The following DNAH7 variants were observed in gnomAD, a reference collection of about 807,000 sequenced individuals.
DNAH7 encodes the protein axonemal beta dynein heavy chain 7.
DNAH7 carries 397 observed loss-of-function variants against 444.6 expected under a neutral mutation model. That is an observed-to-expected ratio of 0.89 (90% CI 0.82 to 0.97). DNAH7 has a LOEUF of 0.97. Ranked by LOEUF, DNAH7 falls within the 50% of genes least tolerant of loss-of-function variation. The pLI is 0.00. For missense variants in DNAH7, 4,902 were observed against 4,800.8 expected (o/e 1.02, Z -0.62); for synonymous variants, 1,636 against 1,624.4 (o/e 1.01, Z -0.17).
chr2:195,737,891 A>AAATG lies in DNAH7; in HGVS notation c.*29_*30insCATT, dbSNP rs2105863229. 1 of 1,561,726 alleles carries AAATG rather than the reference A, an allele frequency of 6.4e-7. No individual in the cohort carries two copies. The highest frequency in any genetic ancestry group is 1.1e-5 in the South Asian group (1 of 89,582). ...TTTCTCTACTCAGCCAGCCAACAAG[A>AAATG]AATAGGAACAAGGAAATGATGTCTT... On this transcript the variant is annotated 3_prime_UTR_variant, in exon 65 of 65. Transcript: ENST00000312428.
intron 48 of DNAH7, among the ~76,000 whole-genome samples, chr2:195,830,942 A>G (rs1027516847): frequency 2.6e-5 from 4 of 152,244 alleles, no homozygotes; most frequent in Non-Finnish European, 5.9e-5. Context: ...ATGTTAATTA[A>G]ATGAATGAAT....
At chr2:195,894,838 T>C (rs372284956) in intron 30 of DNAH7, 138 bp downstream of exon 30, 21 of 915,290 alleles carry the variant, frequency 2.3e-5, no homozygotes, top group East Asian at 8.9e-5. Context: ...TTTACTTTTC[T>C]AAAACTTTAT....
chr2:195,914,115 C>T (rs1042136542), intron 24 of DNAH7, among the ~76,000 whole-genome samples: 1 of 152,132 alleles, frequency 6.6e-6, no homozygotes, highest in African/African-American at 2.4e-5. Flanking sequence ...TCTGTAGCAC[C>T]TAATGTTTAC....
chr2:195,926,689 C>T (rs1688358066), intron 21 of DNAH7, 123 bp from the exon 22 acceptor site: 6 of 836,834 alleles, frequency 7.2e-6, no homozygotes, highest in Admixed American at 6.9e-5. Flanking sequence ...GACATTTATG[C>T]AAGACTCACT....
At chr2:195,914,772 T>G (rs1247725627) in intron 24 of DNAH7, among the ~76,000 whole-genome samples, 1 of 152,196 alleles carries the variant, frequency 6.6e-6, no homozygotes, top group East Asian at 1.9e-4. Flanking sequence ...CAAGTGATTC[T>G]CCTGTCTCAG....
rs1699868664 is a variant in DNAH7, at chr2:195,858,872, G to A, written c.7737-68C>T. ...TATCCTACATGAAGGAAAAACTTAA[G>A]TGTTTCTGAGCTTTCTAGGCTTTTT... On this transcript the variant is annotated intron_variant, in intron 42 of 64. Transcript: ENST00000312428. The A allele has an allele frequency of 3.7e-6, 5 of 1,348,398 alleles. No individual in the cohort carries two copies. In the South Asian group the frequency reaches 7.2e-5, roughly 19 times the overall value. The allele number at this position is 1,348,398 out of a possible 1,614,324, so 83.5% of individuals were successfully genotyped here. A position where few individuals can be genotyped will look rare whatever the true frequency, so the allele number is the denominator to read the frequency against.
At chr2:195,995,713 C>T (rs1362358887) in intron 12 of DNAH7, 2 of 171,892 alleles carry the variant, frequency 1.2e-5, no homozygotes, top group East Asian at 1.8e-4. Flanking sequence ...GATGCGAGGG[C>T]GCTGGGACTG....
At position 195,796,750 on chromosome 2, in the gene DNAH7, A is replaced by G; in HGVS notation, c.10354-13T>C. 6.3e-7 allele frequency: 1 copy of G among 1,598,530 alleles called. No homozygotes were observed. The highest frequency in any genetic ancestry group is 8.5e-7 in the Non-Finnish European group (1 of 1,172,950). On this transcript the variant is annotated splice_polypyrimidine_tract_variant and intron_variant, in intron 55 of 64. Coordinates refer to ENST00000312428, the MANE Select transcript of DNAH7 (RefSeq NM_018897.3). ...ATCCCCCATATCCCTGTGTACAAGA[A>G]TAGTAGAGATGTTATTTAAAATCAC... is the stretch of plus-strand genomic sequence containing the variant.
At chr2:196,040,731 A>G (rs4500968) in intron 5 of DNAH7, among the ~76,000 whole-genome samples, 108,054 of 152,006 alleles carry the variant, frequency 0.71, 38,576 homozygotes, top group East Asian at 0.9. Context: ...GAGCAATTAC[A>G]CAAGATAAAG....
At chr2:195,921,472 T>C (rs1172977075) in intron 24 of DNAH7, among the ~76,000 whole-genome samples, 2 of 152,246 alleles carry the variant, frequency 1.3e-5, no homozygotes, top group Non-Finnish European at 2.9e-5. Context: ...GAGACTGTTA[T>C]TCTAAGTGAA....
intron 2 of DNAH7, among the ~76,000 whole-genome samples, chr2:196,056,753 C>T (rs1697833620): frequency 6.6e-6 from 1 of 152,204 alleles, no homozygotes; most frequent in Non-Finnish European, 1.5e-5. Context: ...CTTTTACTCT[C>T]CTCAGTCTCT....
chr2:195,875,985 G>T, intron 37 of DNAH7, 142 bp from the exon 38 acceptor site: 2 of 720,822 alleles, frequency 2.8e-6, no homozygotes, highest in Non-Finnish European at 4.2e-6. Flanking sequence ...TCTAAACAAG[G>T]ATAATATCCT....
chr2:195,888,813 C>G lies in DNAH7; in HGVS notation c.5215G>C (p.Ala1739Pro), dbSNP rs1271379391. ...GGAGAACTTACAGTGGCAGGGGAAGCAACTTCTAAATCCATTGGCTCAAAA... is the reference window on the plus strand; with the variant it reads ...GGAGAACTTACAGTGGCAGGGGAAGGAACTTCTAAATCCATTGGCTCAAAA... The part of the protein sequence containing the change: ...LIFEPMDLEV[A>P]SPATVSRCGM... The change falls in exon 32 of 65, where the codon GCT (alanine) becomes CCT (proline). Residue 1739 changes from alanine to proline, a missense_variant. Physicochemically the swap from Ala to Pro is conservative, Grantham distance 27 (BLOSUM62 -1). Coordinates refer to ENST00000312428, the MANE Select transcript of DNAH7 (RefSeq NM_018897.3). 2 of 1,610,744 alleles carry G rather than the reference C, an allele frequency of 1.2e-6. No homozygotes were observed. The highest frequency in any genetic ancestry group is 1.7e-6 in the Non-Finnish European group (2 of 1,178,830).
At chr2:195,896,774 T>C (rs886265021) in intron 29 of DNAH7, among the ~76,000 whole-genome samples, 15 of 152,218 alleles carry the variant, frequency 9.9e-5, no homozygotes, top group Non-Finnish European at 2.2e-4. Context: ...AACTCTTTCC[T>C]TGTTGATTTG....
chr2:195,992,494 TG>T (rs1693410693), intron 12 of DNAH7, among the ~76,000 whole-genome samples: 1 of 152,226 alleles, frequency 6.6e-6, no homozygotes, highest in African/African-American at 2.4e-5. Context: ...GTAAACTGGC[TG>T]GGGCTTTTGT....
At chr2:195,787,202 T>C (rs778254073) in intron 57 of DNAH7, 31 bp from the exon 58 acceptor site, 1 of 1,563,556 alleles carries the variant, frequency 6.4e-7, no homozygotes, top group East Asian at 2.3e-5. Context: ...GCCGCATCAT[T>C]ATTTTCTCCA....
chr2:195,828,827 T>C (rs1697921608), intron 48 of DNAH7, among the ~76,000 whole-genome samples: 2 of 151,990 alleles, frequency 1.3e-5, no homozygotes, highest in Admixed American at 6.6e-5. Context: ...CATTTTTCTG[T>C]TGGTTATAAG....
chr2:195,887,642 A>G (rs1029927739), intron 33 of DNAH7, among the ~76,000 whole-genome samples: 19 of 152,122 alleles, frequency 1.2e-4, no homozygotes, highest in African/African-American at 3.9e-4. Context: ...ATTTCCCTAC[A>G]TTTGCTCCAG....
rs762884828 is a variant in DNAH7, at chr2:195,889,016, G to A, written c.5047-35C>T. ...GCATATGTGAACAGAGGGCAAAAAC[G>A]TAATGATGATAATATAAAGAAACAG... On this transcript the variant is annotated intron_variant, in intron 31 of 64. Transcript: ENST00000312428. 20 of 1,542,484 alleles carry A rather than the reference G, an allele frequency of 1.3e-5. No homozygotes were observed. The Admixed American group carries it at 2.1e-4, about 16-fold the overall frequency.
Sources: gnomAD v4.1 joint callset for allele counts (sites outside exome capture counted in the v4.1 genomes callset) on GRCh38, gnomAD v4.1.1 for gene constraint, MANE v1.5 for transcripts, NCBI Gene and HGNC (gene_info 2026-07-23, HGNC 2026-07-21) for gene names.